The following FER1L6 variants were observed in gnomAD, a reference collection of about 807,000 sequenced individuals.
The protein encoded by FER1L6 is fer-1-like protein 6.
FER1L6 carries 177 observed loss-of-function variants against 219.2 expected under a neutral mutation model. The observed-to-expected ratio is 0.81, with a 90% CI of 0.71 to 0.91. The LOEUF (loss-of-function observed/expected upper bound fraction) is 0.91, where lower values mean the gene tolerates loss of function less well. Ranked by LOEUF, FER1L6 falls within the 40% of genes least tolerant of loss-of-function variation. The probability of loss-of-function intolerance (pLI) is 0.00; values close to 1 mark genes in which losing one functional copy is unlikely to be tolerated. For synonymous variants in FER1L6, 768 were observed against 824.3 expected (o/e 0.93, Z 1.17); for missense variants, 2,153 against 2,259.9 (o/e 0.95, Z 0.96).
In FER1L6 at chr8:123,977,507, G is replaced by A. The variant is rs1297251178; in HGVS notation, c.961G>A (p.Val321Met). Residue 321 changes from valine (V) to methionine (M), a missense_variant, in exon 10 of 41, where the codon GTG becomes ATG. Physicochemically the swap from Val to Met is conservative, Grantham distance 21 (BLOSUM62 1). Transcript: ENST00000522917. Reference sequence around the variant, plus strand: ...AATGTTCCCTCCCTTGTGTCGGAGGGTGAAAATCCAGGTGTGGGATGAAGG... The same window carrying A: ...AATGTTCCCTCCCTTGTGTCGGAGGATGAAAATCCAGGTGTGGGATGAAGG... ...KEMFPPLCRR[V>M]KIQVWDEGSM... 2 of 1,613,986 alleles carry A rather than the reference G, an allele frequency of 1.2e-6. No individual in the cohort carries two copies. Among genetic ancestry groups the A allele is most frequent in the African/African-American group, 2.7e-5 (2 of 74,902 alleles).
chr8:124,118,694 CA>C (rs1400447193), intron 39 of FER1L6, 149 bp from the exon 40 acceptor site: 27 of 684,656 alleles, frequency 3.9e-5, no homozygotes, highest in Non-Finnish European at 5.5e-5. Context: ...CTCCCAGGAC[CA>C]AAAAAAGCAA....
intron 1 of FER1L6, among the ~76,000 whole-genome samples, chr8:123,874,281 T>C (rs1042722979): frequency 6.6e-6 from 1 of 152,190 alleles, no homozygotes; most frequent in Non-Finnish European, 1.5e-5. Flanking sequence ...AGTCATAGAA[T>C]ATAGGGTCAG....
intron 26 of FER1L6, among the ~76,000 whole-genome samples, chr8:124,065,400 C>CAAAAAAAAA (rs60695255): frequency 1.8e-5 from 1 of 55,190 alleles, no homozygotes; most frequent in Non-Finnish European, 4.0e-5. Context: ...GCCTCCATCT[C>CAAAAAAAAA]AAAAAAAAAA....
chr8:123,955,965 T>G lies in FER1L6; in HGVS notation c.-7-27T>G, dbSNP rs748062954. The G allele has an allele frequency of 1.5e-5, 24 of 1,583,154 alleles. No individual in the cohort carries two copies. In the African/African-American group the frequency reaches 3.2e-4, roughly 21 times the overall value. ...ACGTCTAAATGACTCAAAGTTTTTA[T>G]TGTTTCTTTTTTTTTCTTCTTTTCA... On this transcript the variant is annotated intron_variant, in intron 1 of 40. Transcript: ENST00000522917.
chr8:123,900,032 A>T (rs1450915357), intron 1 of FER1L6, among the ~76,000 whole-genome samples: 2 of 152,032 alleles, frequency 1.3e-5, no homozygotes, highest in Non-Finnish European at 2.9e-5. Flanking sequence ...TGCTGTGAAG[A>T]ATGATGGTGG....
Position 123,966,273 on chromosome 8 carries a change from A to G in FER1L6, c.367A>G (p.Ser123Gly), listed in dbSNP as rs765188020. 6 of 1,614,210 alleles carry G rather than the reference A, an allele frequency of 3.7e-6. No individual in the cohort carries two copies. Among genetic ancestry groups the G allele is most frequent in the Non-Finnish European group, 5.1e-6 (6 of 1,180,018 alleles). Reference sequence around the variant, plus strand: ...AAGCACAGTGAAGGAAGGAACCAACAGCCCATTTTATAATGAAGTAAGTCA... The same window carrying G: ...AAGCACAGTGAAGGAAGGAACCAACGGCCCATTTTATAATGAAGTAAGTCA... ...KQSTVKEGTN[S>G]PFYNEYFVFD... Residue 123 changes from serine (S) to glycine (G), a missense_variant, in exon 5 of 41, where the codon AGC becomes GGC. Physicochemically the swap from Ser to Gly is moderately conservative, Grantham distance 56 (BLOSUM62 0). Transcript: ENST00000522917.
chr8:124,087,435 C>G (rs1382247501), intron 33 of FER1L6, among the ~76,000 whole-genome samples: 3 of 152,054 alleles, frequency 2.0e-5, no homozygotes, highest in African/African-American at 7.2e-5. Flanking sequence ...TCATTTTACT[C>G]TCTTTGTTAA....
chr8:123,927,492 T>A (rs187963213), intron 1 of FER1L6, among the ~76,000 whole-genome samples: 37 of 152,346 alleles, frequency 2.4e-4, no homozygotes, highest in African/African-American at 7.9e-4. Flanking sequence ...CAATTTTGTA[T>A]TTAAATATCC....
intron 16 of FER1L6, among the ~76,000 whole-genome samples, chr8:124,018,383 T>A (rs1818296574): frequency 6.6e-6 from 1 of 152,226 alleles, no homozygotes; most frequent in Non-Finnish European, 1.5e-5. Flanking sequence ...AGATATTAAA[T>A]GACTTTTTCT....
chr8:123,955,850 A>C (rs1234471457), intron 1 of FER1L6, 142 bp from the exon 2 acceptor site: 2 of 704,268 alleles, frequency 2.8e-6, no homozygotes, highest in African/African-American at 1.8e-5. Flanking sequence ...GGTGCTGCTG[A>C]TACTTGTCTT....
intron 1 of FER1L6, among the ~76,000 whole-genome samples, chr8:123,857,186 T>C (rs1816663068): frequency 6.6e-6 from 1 of 152,220 alleles, no homozygotes; most frequent in African/African-American, 2.4e-5. Context: ...TGTTTTGTTT[T>C]GGTGATCATG....
chr8:124,077,525 G>A (rs1821342813), intron 32 of FER1L6, among the ~76,000 whole-genome samples: 1 of 152,146 alleles, frequency 6.6e-6, no homozygotes, highest in Non-Finnish European at 1.5e-5. Flanking sequence ...CCAGATTAAT[G>A]AGAATGACAG....
chr8:123,975,257 G>A lies in FER1L6; in HGVS notation c.634G>A (p.Val212Ile), dbSNP rs757986526. 14 of 1,613,458 alleles carry A rather than the reference G, an allele frequency of 8.7e-6. No homozygotes were observed. Among genetic ancestry groups the A allele is most frequent in the Non-Finnish European group, 1.2e-5 (14 of 1,179,746 alleles). The change falls in exon 8 of 41, where the codon GTC (valine) becomes ATC (isoleucine). Residue 212 changes from valine (V) to isoleucine (I), a missense_variant. Physicochemically the swap from Val to Ile is conservative, Grantham distance 29. Coordinates refer to ENST00000522917, the MANE Select transcript of FER1L6 (RefSeq NM_001039112.2). ...CATCAGTGTCATGGGAAAAGGTGAT[G>A]TCTTGAAGACCAGCCCTAAAACTTC... ...CDISVMGKGD[V>I]LKTSPKTSDT...
intron 18 of FER1L6, among the ~76,000 whole-genome samples, chr8:124,031,753 C>G (rs1339462435): frequency 6.6e-6 from 1 of 152,034 alleles, no homozygotes; most frequent in Non-Finnish European, 1.5e-5. Context: ...CTGAGGCTTT[C>G]ATTTGGGGGT....
chr8:123,961,423 G>T (rs1303414726), intron 2 of FER1L6, among the ~76,000 whole-genome samples: 1 of 152,140 alleles, frequency 6.6e-6, no homozygotes, highest in East Asian at 1.9e-4. Flanking sequence ...TTGCGGCAAG[G>T]TCATGACTTG....
At chr8:124,113,321 G>T (rs1054221099) in intron 39 of FER1L6, among the ~76,000 whole-genome samples, 1 of 151,912 alleles carries the variant, frequency 6.6e-6, no homozygotes, top group African/African-American at 2.4e-5. Context: ...ATACTCCATT[G>T]ATATATGAAG....
chr8:123,876,356 T>C (rs1032253944), intron 1 of FER1L6, among the ~76,000 whole-genome samples: 7 of 152,076 alleles, frequency 4.6e-5, no homozygotes, highest in African/African-American at 1.7e-4. Flanking sequence ...TCTTGTTCTG[T>C]GGCCCAGACT....
chr8:124,049,480 G>C, intron 21 of FER1L6, 127 bp from the exon 22 acceptor site: 1 of 1,102,004 alleles, frequency 9.1e-7, no homozygotes, highest in South Asian at 1.5e-5. Context: ...CTTGGCAGGA[G>C]AAAAGAGTGA....
In FER1L6 at chr8:123,970,089, A is replaced by C. The variant is rs548232059; in HGVS notation, c.439A>C (p.Lys147Gln). ...AGTGCATCTTTTTGACAAGATCATC[A>C]AAATCTCCGTAAGTATAGCATTGGT... ...PQVHLFDKII[K>Q]ISVFHHKLIG... Residue 147 changes from lysine (K) to glutamine (Q), a missense_variant, in exon 6 of 41, where the codon AAA becomes CAA. Coordinates refer to ENST00000522917, the MANE Select transcript of FER1L6 (RefSeq NM_001039112.2). 6.2e-7 allele frequency: 1 copy of C among 1,613,884 alleles called. No homozygotes were observed. Among genetic ancestry groups the C allele is most frequent in the East Asian group, 2.2e-5 (1 of 44,876 alleles).
Sources: allele counts gnomAD v4.1 joint callset (sites outside exome capture counted in the v4.1 genomes callset), GRCh38; gene constraint gnomAD v4.1.1; transcripts MANE v1.5; gene names NCBI Gene and HGNC (gene_info 2026-07-23, HGNC 2026-07-21).